The following OGN variants were observed in gnomAD, a reference collection of about 807,000 sequenced individuals.
OGN encodes mimecan.
Under a neutral mutation model 30.8 loss-of-function variants are expected in OGN, and 19 were observed. That is an observed-to-expected ratio of 0.62 (90% confidence interval 0.43 to 0.90). The LOEUF is 0.90. Ranked by LOEUF, OGN falls within the 40% of genes least tolerant of loss-of-function variation. The pLI is 0.00. For synonymous variants in OGN, 126 were observed against 128.3 expected, an observed-to-expected ratio of 0.98 and a Z score of 0.12; for missense variants, 283 against 349.7, an observed-to-expected ratio of 0.81 and a Z score of 1.52.
At chr9:92,401,609 G>T (rs1843113821) in intron 2 of OGN, among the ~76,000 whole-genome samples, 1 of 152,132 alleles carries the variant, frequency 6.6e-6, no homozygotes, top group Admixed American at 6.6e-5. Context: ...TAGAGCTCCA[G>T]CCATGTCACA....
intron 5 of OGN, chr9:92,389,541 G>A (rs185760149): frequency 1.1e-4 from 20 of 187,488 alleles, no homozygotes; most frequent in Admixed American, 1.2e-4. Flanking sequence ...TTGAGCTTTC[G>A]TAGACTGTAA....
At chr9:92,386,973 A>G (rs1324062160) in intron 5 of OGN, among the ~76,000 whole-genome samples, 2 of 149,562 alleles carry the variant, frequency 1.3e-5, no homozygotes, top group East Asian at 4.0e-4. Context: ...CTGTGAACCC[A>G]GGAGGCAGAG....
intron 5 of OGN, among the ~76,000 whole-genome samples, chr9:92,388,166 C>CT (rs1000070619): frequency 1.4e-3 from 212 of 150,864 alleles, no homozygotes; most frequent in African/African-American, 4.6e-3. Flanking sequence ...TGATCAGCTC[C>CT]TTTTTTTTTG....
chr9:92,396,644 A>G (rs1842904216), intron 3 of OGN, among the ~76,000 whole-genome samples: 1 of 151,570 alleles, frequency 6.6e-6, no homozygotes, highest in South Asian at 2.1e-4. Flanking sequence ...GTTCACTGCA[A>G]ACCTCGACCT....
chr9:92,392,701 A>C (rs149293793), intron 4 of OGN, among the ~76,000 whole-genome samples: 199 of 152,344 alleles, frequency 1.3e-3, no homozygotes, highest in African/African-American at 4.5e-3. Flanking sequence ...AGTTAAAGTA[A>C]GAAAAAGCAC....
intron 5 of OGN, among the ~76,000 whole-genome samples, chr9:92,387,003 G>A (rs1035764119): frequency 7.1e-6 from 1 of 140,522 alleles, no homozygotes; most frequent in African/African-American, 2.7e-5. Flanking sequence ...AGCTGAGATC[G>A]CACCACTGTA....
In OGN at chr9:92,401,108, G is replaced by T. The variant is rs890113422; in HGVS notation, c.252C>A (p.Pro84=). 3.4e-6 allele frequency: 5 copies of T among 1,473,944 alleles called. No individual in the cohort carries two copies. The highest frequency in any genetic ancestry group is 4.7e-6 in the Non-Finnish European group (5 of 1,056,892). 91.3% of individuals were successfully genotyped at this position (1,473,944 alleles called of 1,614,324 possible). ...QKDEAITPLP[P]KKENDEMPTC... ...GATACTTACCATCATTTTCTTTCTTGGGAGGTAATGGTGTTATTGCCTCAT... is the reference window on the plus strand; with the variant it reads ...GATACTTACCATCATTTTCTTTCTTTGGAGGTAATGGTGTTATTGCCTCAT... Residue 84 remains proline, a synonymous_variant, in exon 3 of 7, where the codon CCC becomes CCA. Coordinates refer to ENST00000375561, the MANE Select transcript of OGN (RefSeq NM_014057.5).
intron 1 of OGN, chr9:92,403,727 A>G: frequency 1.5e-5 from 11 of 744,308 alleles, no homozygotes; most frequent in Non-Finnish European, 1.8e-5. Flanking sequence ...TGCCTTCAGC[A>G]GACATACTAA....
chr9:92,397,828 A>G (rs1399322195), intron 3 of OGN, among the ~76,000 whole-genome samples: 2 of 152,220 alleles, frequency 1.3e-5, no homozygotes, highest in Non-Finnish European at 2.9e-5. Context: ...CATATACAAT[A>G]TACATGCATA....
chr9:92,389,241 T>C (rs1341193401), intron 5 of OGN, among the ~76,000 whole-genome samples: 4 of 152,204 alleles, frequency 2.6e-5, no homozygotes, highest in African/African-American at 9.6e-5. Flanking sequence ...CTGTAGGTCA[T>C]GCATTTTGAG....
intron 4 of OGN, among the ~76,000 whole-genome samples, chr9:92,390,742 T>C (rs1842644418): frequency 6.6e-6 from 1 of 152,252 alleles, no homozygotes; most frequent in African/African-American, 2.4e-5. Flanking sequence ...CAGGGTTATG[T>C]TCCTGTGAGC....
At chr9:92,395,018 C>CT (rs537929107) in intron 3 of OGN, among the ~76,000 whole-genome samples, 5 of 152,054 alleles carry the variant, frequency 3.3e-5, no homozygotes, top group African/African-American at 1.2e-4. Context: ...CCCTTTCAAG[C>CT]TTTTTTTTCC....
rs1452710010 is a variant in OGN, at chr9:92,390,009, C to G, written c.475G>C (p.Glu159Gln). ...GAAAGTTTTGAAAAAGTACCATCTT[C>G]TATATCTTCTATCAAATTTCCTGTA... ...DFTGNLIEDI[E>Q]DGTFSKLSLL... The change falls in exon 5 of 7, where the codon GAA (glutamate) becomes CAA (glutamine). Residue 159 changes from glutamate (E) to glutamine (Q), a missense_variant. Glu to Gln is a conservative substitution (Grantham distance 29). Coordinates refer to ENST00000375561, the MANE Select transcript of OGN (RefSeq NM_014057.5). 4 of 1,607,860 alleles carry G rather than the reference C, an allele frequency of 2.5e-6. No homozygotes were observed. In the African/African-American group the frequency reaches 5.3e-5, roughly 21 times the overall value.
At position 92,385,639 on chromosome 9, in the gene OGN, G is replaced by A. The variant is rs1410165740; in HGVS notation, c.878C>T (p.Pro293Leu). Residue 293 changes from proline to leucine, a missense_variant, in exon 7 of 7, where the codon CCG becomes CTG. By Grantham distance (98) the Pro-to-Leu change is moderately conservative. Transcript: ENST00000375561. Reference sequence around the variant, plus strand: ...TAGAGGTTAAAAGTATGACCCTATCGGTAATCTTTTTAAGCAAATAAAACT... The same window carrying A: ...TAGAGGTTAAAAGTATGACCCTATCAGTAATCTTTTTAAGCAAATAAAACT... Reference protein sequence around the residue: ...PNSFICLKRLPIGSYF With the variant: ...PNSFICLKRLLIGSYF 3.1e-6 allele frequency: 5 copies of A among 1,613,834 alleles called. No homozygotes were observed. The highest frequency in any genetic ancestry group is 1.7e-5 in the Admixed American group (1 of 59,986).
upstream of OGN, chr9:92,404,593 C>T (rs375718621): frequency 1.2e-5 from 16 of 1,291,494 alleles, no homozygotes; most frequent in African/African-American, 2.0e-4. Context: ...AAAGCTATGT[C>T]TTGATTTCAA....
At chr9:92,393,989 A>G (rs1842792041) in intron 3 of OGN, among the ~76,000 whole-genome samples, 1 of 152,122 alleles carries the variant, frequency 6.6e-6, no homozygotes, top group Non-Finnish European at 1.5e-5. Context: ...CTCACTGAGT[A>G]AAGTTAATAT....
At chr9:92,400,486 A>G (rs1176337885) in intron 3 of OGN, among the ~76,000 whole-genome samples, 2 of 152,158 alleles carry the variant, frequency 1.3e-5, no homozygotes, top group African/African-American at 2.4e-5. Context: ...TATTTTTACT[A>G]TCATACTTCT....
rs368163044 is a variant in OGN, at chr9:92,404,432, A to G, written c.-76+64T>C. 5.7e-6 allele frequency: 6 copies of G among 1,051,678 alleles called. No individual in the cohort carries two copies. In the African/African-American group the frequency reaches 6.9e-5, roughly 12 times the overall value. 65.1% of individuals were successfully genotyped at this position (1,051,678 alleles called of 1,614,324 possible). A position where few individuals can be genotyped will look rare whatever the true frequency, so the allele number is the denominator to read the frequency against. On this transcript the variant is annotated intron_variant, in intron 1 of 6. Coordinates refer to ENST00000375561, the MANE Select transcript of OGN (RefSeq NM_014057.5). ...GATGGCCTTTACATTTATTAAGACTATTAGATGAGTCAGTCGCACTTTAAC... is the reference window on the plus strand; with the variant it reads ...GATGGCCTTTACATTTATTAAGACTGTTAGATGAGTCAGTCGCACTTTAAC...
chr9:92,393,018 A>C (rs1588089764), intron 4 of OGN, 68 bp downstream of exon 4: 1 of 1,309,528 alleles, frequency 7.6e-7, no homozygotes, highest in East Asian at 2.4e-5. Context: ...ACTATATAGA[A>C]ACTTGTGTTT....
Sources: gnomAD v4.1 joint callset for allele counts (sites outside exome capture counted in the v4.1 genomes callset) on GRCh38, gnomAD v4.1.1 for gene constraint, MANE v1.5 for transcripts, NCBI Gene and HGNC (gene_info 2026-07-23, HGNC 2026-07-21) for gene names.